Variants in SLMAP observed in about 807,000 individuals in gnomAD.
The protein encoded by SLMAP is sarcolemmal membrane-associated protein.
A neutral mutation model predicts 128.8 loss-of-function variants in SLMAP; 44 were observed. That is an observed-to-expected ratio of 0.34 (90% CI 0.27 to 0.44). The LOEUF is 0.44. SLMAP is among the 20% of genes least tolerant of loss of function. The pLI is 1.00. For missense variants in SLMAP, 787 were observed against 985.3 expected (o/e 0.80, Z 2.69); for synonymous variants, 327 against 348.8 (o/e 0.94, Z 0.70).
At chr3:57,798,518 A>T (rs1233183823) in intron 2 of SLMAP, among the ~76,000 whole-genome samples, 4 of 152,144 alleles carry the variant, frequency 2.6e-5, no homozygotes, top group African/African-American at 9.7e-5. Context: ...TGATGTTTTA[A>T]TTTTAAATTT....
intron 8 of SLMAP, among the ~76,000 whole-genome samples, chr3:57,859,320 C>CAAAAA (rs555697911): frequency 1.5e-5 from 1 of 68,912 alleles, no homozygotes; most frequent in African/African-American, 5.2e-5. Context: ...GAGACTGTCT[C>CAAAAA]AAAAAAAAAA....
chr3:57,913,072 C>A, intron 20 of SLMAP, 86 bp from the exon 21 acceptor site: 1 of 677,460 alleles, frequency 1.5e-6, no homozygotes, highest in Non-Finnish European at 2.6e-6. Flanking sequence ...AAAGTATGTT[C>A]TCCTCTGAAA....
At chr3:57,896,416 A>AC in intron 15 of SLMAP, 95 bp from the exon 16 acceptor site, 1 of 1,445,088 alleles carries the variant, frequency 6.9e-7, no homozygotes, top group Non-Finnish European at 9.1e-7. Context: ...TACTTTGCGT[A>AC]CCTGTAGATT....
chr3:57,767,527 G>A (rs544952491), intron 2 of SLMAP, among the ~76,000 whole-genome samples: 12 of 152,258 alleles, frequency 7.9e-5, no homozygotes, highest in South Asian at 4.1e-4. Context: ...TTTTTGGATC[G>A]TAGATCCAAA....
At chr3:57,923,787 G>A (rs1037670760) in intron 23 of SLMAP, among the ~76,000 whole-genome samples, 56 of 152,160 alleles carry the variant, frequency 3.7e-4, no homozygotes, top group African/African-American at 1.2e-3. Flanking sequence ...TTACCTTGCA[G>A]CACAAGTACA....
chr3:57,866,735 T>C (rs1384587883), intron 13 of SLMAP, among the ~76,000 whole-genome samples: 2 of 152,100 alleles, frequency 1.3e-5, no homozygotes, highest in Non-Finnish European at 2.9e-5. Flanking sequence ...ATACAAAAAT[T>C]AGCCACGCAT....
In SLMAP at chr3:57,927,648, T is replaced by C. The variant is rs2097031097; in HGVS notation, c.*359T>C. On this transcript the variant is annotated 3_prime_UTR_variant, in exon 25 of 25. Coordinates refer to ENST00000671191, the MANE Select transcript of SLMAP (RefSeq NM_001377540.1). ...TTTTTAAATTAGTATGTTAAGATTC[T>C]GAATATTATGGTGGCCTAAAGTAGG... 1 of 199,418 alleles carries C rather than the reference T, an allele frequency of 5.0e-6. No homozygotes were observed. Among genetic ancestry groups the C allele is most frequent in the South Asian group, 1.8e-4 (1 of 5,460 alleles). 12.4% of individuals were successfully genotyped at this position (199,418 alleles called of 1,614,324 possible). A position where few individuals can be genotyped will look rare whatever the true frequency, so the allele number is the denominator to read the frequency against.
intron 14 of SLMAP, among the ~76,000 whole-genome samples, chr3:57,880,821 G>A (rs1400531215): frequency 6.6e-6 from 1 of 152,126 alleles, no homozygotes; most frequent in Non-Finnish European, 1.5e-5. Context: ...GGAGCGGGAG[G>A]CTGCAGTGAG....
intron 21 of SLMAP, 60 bp downstream of exon 21, chr3:57,913,335 T>A: frequency 1.4e-6 from 1 of 713,506 alleles, no homozygotes; most frequent in Non-Finnish European, 2.3e-6. Context: ...AATTTTCATC[T>A]AAATTAAATT....
At chr3:57,897,078 A>G (rs1336840300) in intron 17 of SLMAP, 146 bp downstream of exon 17, 51 of 1,412,892 alleles carry the variant, frequency 3.6e-5, no homozygotes, top group Middle Eastern at 5.0e-4. Flanking sequence ...CTAAAAATTT[A>G]AAGTTTTGGT....
chr3:57,806,759 C>G (rs920253434), intron 2 of SLMAP, among the ~76,000 whole-genome samples: 25 of 152,168 alleles, frequency 1.6e-4, no homozygotes, highest in African/African-American at 5.8e-4. Context: ...TTTATCCAAT[C>G]TATCATTGAT....
intron 14 of SLMAP, among the ~76,000 whole-genome samples, chr3:57,884,103 A>T (rs764774093): frequency 5.2e-4 from 79 of 151,546 alleles, no homozygotes; most frequent in Non-Finnish European, 9.7e-4. Flanking sequence ...TAATTTTTCT[A>T]TTTTTAGTAG....
In SLMAP at chr3:57,808,097, G is replaced by A. The variant is rs569778455; in HGVS notation, c.199-23286G>A. On this transcript the variant is annotated intron_variant, in intron 2 of 24. Transcript: ENST00000671191. ...CTGTTGGTAGTTTGTATTTCTGTGG[G>A]GTCAGTGGTGATATCCCTTTTATCA... Among the ~76,000 whole-genome samples the A allele has an allele frequency of 2.6e-5, 4 of 152,062 alleles. No homozygotes were observed. In the South Asian group the frequency reaches 8.3e-4, roughly 32 times the overall value.
chr3:57,892,931 T>A (rs1209113981), intron 15 of SLMAP, among the ~76,000 whole-genome samples: 1 of 151,050 alleles, frequency 6.6e-6, no homozygotes, highest in Admixed American at 6.6e-5. Flanking sequence ...CCTCCAGGGT[T>A]TGTGCCATTC....
chr3:57,869,575 C>T (rs1185359069), intron 13 of SLMAP, among the ~76,000 whole-genome samples: 3 of 140,744 alleles, frequency 2.1e-5, no homozygotes, highest in African/African-American at 7.9e-5. Context: ...TACAATCACA[C>T]CTGTGAATAA....
intron 2 of SLMAP, among the ~76,000 whole-genome samples, chr3:57,823,960 C>T (rs1031077306): frequency 3.9e-5 from 6 of 152,090 alleles, no homozygotes; most frequent in African/African-American, 7.2e-5. Context: ...TTGCATTTCT[C>T]TGATGGCCAG....
chr3:57,813,277 G>A (rs1189754215), intron 2 of SLMAP, among the ~76,000 whole-genome samples: 1 of 151,968 alleles, frequency 6.6e-6, no homozygotes, highest in Non-Finnish European at 1.5e-5. Flanking sequence ...TGTATTTTTG[G>A]TAGAGATGGG....
chr3:57,800,027 AC>A (rs1212734921), intron 2 of SLMAP: 1 of 152,158 alleles, frequency 6.6e-6, no homozygotes, highest in Admixed American at 6.5e-5. Context: ...ACAGAGTAAG[AC>A]CCTGTCTTAA....
At chr3:57,772,565 T>G (rs1475275509) in intron 2 of SLMAP, among the ~76,000 whole-genome samples, 1 of 152,182 alleles carries the variant, frequency 6.6e-6, no homozygotes, top group Non-Finnish European at 1.5e-5. Flanking sequence ...GGCACTGTTG[T>G]TATTGCTGCT....
Sources: allele counts gnomAD v4.1 joint callset (sites outside exome capture counted in the v4.1 genomes callset), GRCh38; gene constraint gnomAD v4.1.1; transcripts MANE v1.5; gene names NCBI Gene and HGNC (gene_info 2026-07-23, HGNC 2026-07-21).